Variants in TGFBI observed in about 807,000 individuals in gnomAD.
The protein encoded by TGFBI is transforming growth factor beta induced, also known as transforming growth factor-beta-induced protein ig-h3.
A neutral mutation model predicts 73.7 loss-of-function variants in TGFBI; 50 were observed. The observed-to-expected ratio is 0.68, with a 90% CI of 0.54 to 0.86. The LOEUF is 0.86. Among genes scored for constraint, TGFBI ranks in the 40% least tolerant of loss-of-function variants. The pLI is 0.00. For missense variants in TGFBI, 839 were observed against 877.0 expected, an observed-to-expected ratio of 0.96 and a Z score of 0.55; for synonymous variants, 362 against 360.5, an observed-to-expected ratio of 1.00 and a Z score of -0.05.
intron 2 of TGFBI, among the ~76,000 whole-genome samples, chr5:136,041,450 G>A (rs1751338575): frequency 6.6e-6 from 1 of 152,172 alleles, no homozygotes. Context: ...GGCTAGCCTT[G>A]ATCACTTTGG....
chr5:136,034,004 T>C, intron 2 of TGFBI, 143 bp downstream of exon 2: 1 of 710,992 alleles, frequency 1.4e-6, no homozygotes, highest in South Asian at 1.6e-5. Flanking sequence ...ACCTGCGTGC[T>C]AGGGAGTGGC....
Position 136,044,093 on chromosome 5 carries a change from A to C in TGFBI, c.269A>C (p.Lys90Thr). 1 of 1,613,068 alleles carries C rather than the reference A, an allele frequency of 6.2e-7. No individual in the cohort carries two copies. Among genetic ancestry groups the C allele is most frequent in the Non-Finnish European group, 8.5e-7 (1 of 1,179,370 alleles). The change falls in exon 3 of 17, where the codon AAG becomes ACG. Residue 90 changes from lysine to threonine, a missense_variant. By Grantham distance (78) the Lys-to-Thr change is moderately conservative (BLOSUM62 -1). Transcript: ENST00000442011. Reference sequence around the variant, plus strand: ...TACGAGTGCTGTCCTGGATATGAAAAGGTCCCTGGGGAGAAGGGCTGTCCA... The same window carrying C: ...TACGAGTGCTGTCCTGGATATGAAACGGTCCCTGGGGAGAAGGGCTGTCCA... ...ISYECCPGYE[K>T]VPGEKGCPAA...
chr5:136,058,779 A>T (rs1751694972), intron 12 of TGFBI: 1 of 251,536 alleles, frequency 4.0e-6, no homozygotes, highest in Non-Finnish European at 7.7e-6. Flanking sequence ...ATACTCACAG[A>T]GGAGTATGGA....
Position 136,063,448 on chromosome 5 carries a change from C to A in TGFBI, c.*222C>A, listed in dbSNP as rs956907183. ...AACATGGCTGTTAACCCACTGCATGCAGAAACTTGGATGTCACTGCCTGAC... is the reference window on the plus strand; with the variant it reads ...AACATGGCTGTTAACCCACTGCATGAAGAAACTTGGATGTCACTGCCTGAC... On this transcript the variant is annotated 3_prime_UTR_variant, in exon 17 of 17. Coordinates refer to ENST00000442011, the MANE Select transcript of TGFBI (RefSeq NM_000358.3). The A allele has an allele frequency of 2.1e-5, 11 of 528,360 alleles. No homozygotes were observed. Among genetic ancestry groups the A allele is most frequent in the Non-Finnish European group, 3.4e-5 (10 of 295,106 alleles). The allele number at this position is 528,360 out of a possible 1,614,324, so 32.7% of individuals were successfully genotyped here.
chr5:136,055,015 A>G (rs1223277129), intron 10 of TGFBI, 154 bp downstream of exon 10: 1 of 912,050 alleles, frequency 1.1e-6, no homozygotes, highest in African/African-American at 1.7e-5. Context: ...AGATAACAAA[A>G]TGAGATCCTG....
At chr5:136,054,585 C>G (rs937961203) in intron 9 of TGFBI, 131 bp from the exon 10 acceptor site, 3 of 1,174,368 alleles carry the variant, frequency 2.6e-6, no homozygotes, top group Non-Finnish European at 1.3e-6. Context: ...ATATTGGCAG[C>G]TTCACTTGGT....
At chr5:136,031,794 A>G (rs993860162) in intron 1 of TGFBI, among the ~76,000 whole-genome samples, 1 of 152,188 alleles carries the variant, frequency 6.6e-6, no homozygotes, top group African/African-American at 2.4e-5. Context: ...GCTCATTTCA[A>G]TTAAGCTTCA....
intron 6 of TGFBI, chr5:136,048,436 T>G (rs1223608754): frequency 6.6e-6 from 1 of 152,220 alleles, no homozygotes; most frequent in Non-Finnish European, 1.5e-5. Flanking sequence ...ACCTGCTACT[T>G]CCCGGGTGGG....
intron 6 of TGFBI, 150 bp downstream of exon 6, chr5:136,047,570 A>T: frequency 1.1e-6 from 1 of 890,200 alleles, no homozygotes; most frequent in Non-Finnish European, 1.7e-6. Flanking sequence ...AACATGGAGA[A>T]TTCATTGACC....
chr5:136,053,690 C>A (rs1161934325), intron 8 of TGFBI, among the ~76,000 whole-genome samples: 1 of 152,228 alleles, frequency 6.6e-6, no homozygotes, highest in East Asian at 1.9e-4. Context: ...GACCAAGCAG[C>A]CCACAGGGCC....
At chr5:136,043,464 AT>A (rs1432535327) in intron 2 of TGFBI, among the ~76,000 whole-genome samples, 3 of 152,220 alleles carry the variant, frequency 2.0e-5, no homozygotes, top group Non-Finnish European at 4.4e-5. Context: ...TTAAAATTTG[AT>A]TGTGAAGACA....
chr5:136,029,076 G>GCTGGCTCTCGCC lies in TGFBI; in HGVS notation c.30_41dup (p.Ala13_Leu16dup). The GCTGGCTCTCGCC allele has an allele frequency of 6.5e-7, 1 of 1,527,620 alleles. No individual in the cohort carries two copies. The highest frequency in any genetic ancestry group is 8.7e-7 in the Non-Finnish European group (1 of 1,144,202). 94.6% of individuals were successfully genotyped at this position (1,527,620 alleles called of 1,614,324 possible). ...GCTCCATGGCGCTCTTCGTGCGGCT[G>GCTGGCTCTCGCC]CTGGCTCTCGCCCTGGCTCTGGCCC... On this transcript the variant is annotated inframe_insertion, in exon 1 of 17. Coordinates refer to ENST00000442011, the MANE Select transcript of TGFBI (RefSeq NM_000358.3).
chr5:136,062,878 TGAG>T (rs2126918814), intron 16 of TGFBI, among the ~76,000 whole-genome samples, 191 bp downstream of exon 16: 1 of 152,298 alleles, frequency 6.6e-6, no homozygotes, highest in East Asian at 1.9e-4. Flanking sequence ...CTCTGTAAGA[TGAG>T]GATAATAAGA....
Position 136,055,830 on chromosome 5 carries a change from TC to T in TGFBI, c.1547+18del. ...CAATCGCTTTAGGTAATTAGTTCCA[TC>T]CCCGGGTGGAGCTTCTGCCCAGTGG... On this transcript the variant is annotated intron_variant, in intron 11 of 16. Transcript: ENST00000442011. The T allele has an allele frequency of 1.3e-6, 2 of 1,592,010 alleles. No homozygotes were observed. The highest frequency in any genetic ancestry group is 1.7e-6 in the Non-Finnish European group (2 of 1,164,456).
chr5:136,033,418 G>C (rs1047408534), intron 1 of TGFBI, among the ~76,000 whole-genome samples: 1 of 152,196 alleles, frequency 6.6e-6, no homozygotes, highest in African/African-American at 2.4e-5. Context: ...CCAAGCAGCT[G>C]GTCCAGGCAT....
chr5:136,042,394 C>T (rs953469761), intron 2 of TGFBI, among the ~76,000 whole-genome samples: 1 of 152,222 alleles, frequency 6.6e-6, no homozygotes, highest in African/African-American at 2.4e-5. Flanking sequence ...TTCAAGTTCA[C>T]CCTGCTAGTT....
At chr5:136,030,514 C>A (rs895691555) in intron 1 of TGFBI, among the ~76,000 whole-genome samples, 1 of 152,166 alleles carries the variant, frequency 6.6e-6, no homozygotes, top group African/African-American at 2.4e-5. Flanking sequence ...CTGGCTGCAA[C>A]CTCAACACCC....
At chr5:136,032,238 C>T (rs2126901613) in intron 1 of TGFBI, among the ~76,000 whole-genome samples, 1 of 152,306 alleles carries the variant, frequency 6.6e-6, no homozygotes, top group Admixed American at 6.5e-5. Context: ...GTCCCTTCTC[C>T]AGCCTTCACT....
intron 2 of TGFBI, among the ~76,000 whole-genome samples, chr5:136,037,566 G>A (rs571270846): frequency 8.5e-5 from 13 of 152,266 alleles, no homozygotes; most frequent in Admixed American, 2.6e-4. Flanking sequence ...CATCATAAAC[G>A]TGGCATAGGG....
Sources: gnomAD v4.1 joint callset for allele counts (sites outside exome capture counted in the v4.1 genomes callset) on GRCh38, gnomAD v4.1.1 for gene constraint, MANE v1.5 for transcripts, NCBI Gene and HGNC (gene_info 2026-07-23, HGNC 2026-07-21) for gene names.